Variants in CPNE4 observed in about 807,000 individuals in gnomAD.
CPNE4 encodes the protein copine-4.
CPNE4 carries 25 observed loss-of-function variants against 67.9 expected under a neutral mutation model. That is an observed-to-expected ratio of 0.37 (90% CI 0.27 to 0.51). CPNE4 has a LOEUF of 0.51. CPNE4 is among the 20% of genes least tolerant of loss of function. The probability of loss-of-function intolerance (pLI) is 0.93; values close to 1 mark genes in which losing one functional copy is unlikely to be tolerated. For missense variants in CPNE4, 464 were observed against 690.8 expected, an observed-to-expected ratio of 0.67 and a Z score of 3.68; for synonymous variants, 242 against 244.9, an observed-to-expected ratio of 0.99 and a Z score of 0.11.
intron 3 of CPNE4, among the ~76,000 whole-genome samples, chr3:131,718,825 C>G (rs2081807860): frequency 6.6e-6 from 1 of 152,186 alleles, no homozygotes; most frequent in African/African-American, 2.4e-5. Context: ...CTTGGCATAT[C>G]CAGGGTGCTT....
chr3:131,949,874 T>C (rs558770398), intron 1 of CPNE4, among the ~76,000 whole-genome samples: 7 of 152,288 alleles, frequency 4.6e-5, no homozygotes, highest in Non-Finnish European at 8.8e-5. Context: ...ATGCTAGCAC[T>C]GAGGGTACTC....
At chr3:131,994,189 T>G (rs1039712107) in intron 1 of CPNE4, among the ~76,000 whole-genome samples, 1 of 135,834 alleles carries the variant, frequency 7.4e-6, no homozygotes. Context: ...ATGAGAAAAA[T>G]TAAAGACCTG....
At chr3:131,696,755 G>T in intron 4 of CPNE4, 139 bp from the exon 5 acceptor site, 1 of 710,394 alleles carries the variant, frequency 1.4e-6, no homozygotes, top group Non-Finnish European at 2.5e-6. Flanking sequence ...CAACCCTAGT[G>T]ACTACAGCAC....
intron 2 of CPNE4, among the ~76,000 whole-genome samples, chr3:131,853,613 C>T (rs2086323408): frequency 6.6e-6 from 1 of 151,716 alleles, no homozygotes; most frequent in Non-Finnish European, 1.5e-5. Context: ...CTTAAAGGCA[C>T]TATTAGAAAA....
intron 1 of CPNE4, among the ~76,000 whole-genome samples, chr3:131,936,542 G>A (rs12635784): frequency 0.36 from 54,321 of 151,660 alleles, 10,311 homozygotes; most frequent in African/African-American, 0.47. Flanking sequence ...GAAATTTCCT[G>A]TGCATCACTA....
chr3:131,689,890 A>G (rs1445490874), intron 5 of CPNE4, among the ~76,000 whole-genome samples: 1 of 152,144 alleles, frequency 6.6e-6, no homozygotes. Context: ...TGCAAAAATC[A>G]GTAGCATTTC....
chr3:131,839,495 C>T (rs2085689448), intron 2 of CPNE4, among the ~76,000 whole-genome samples: 1 of 151,222 alleles, frequency 6.6e-6, no homozygotes, highest in Admixed American at 6.6e-5. Flanking sequence ...TGTTGATAAA[C>T]ATTTATATTT....
At chr3:131,978,809 C>G (rs928845982) in intron 1 of CPNE4, among the ~76,000 whole-genome samples, 12 of 151,018 alleles carry the variant, frequency 7.9e-5, no homozygotes, top group Admixed American at 2.7e-4. Flanking sequence ...CTCTTTAATT[C>G]TTTTTGATGT....
intron 1 of CPNE4, among the ~76,000 whole-genome samples, chr3:132,023,402 A>G (rs2074040218): frequency 6.6e-6 from 1 of 150,678 alleles, no homozygotes; most frequent in Admixed American, 6.6e-5. Context: ...TTGGTCCGTG[A>G]TTGATACTTT....
chr3:131,656,258 G>T (rs2079962142), intron 7 of CPNE4, among the ~76,000 whole-genome samples: 1 of 152,030 alleles, frequency 6.6e-6, no homozygotes. Context: ...AGTAGCAATG[G>T]GAAGTTCTCT....
intron 2 of CPNE4, among the ~76,000 whole-genome samples, chr3:131,779,214 C>T (rs966394383): frequency 6.6e-6 from 1 of 151,954 alleles, no homozygotes; most frequent in Admixed American, 6.6e-5. Flanking sequence ...AAATATTCCA[C>T]ATTCATGGAT....
intron 2 of CPNE4, among the ~76,000 whole-genome samples, chr3:131,811,844 T>A (rs2084540011): frequency 6.6e-6 from 1 of 152,154 alleles, no homozygotes; most frequent in East Asian, 1.9e-4. Flanking sequence ...AACCTCTTCA[T>A]CTTCATGTGA....
At chr3:131,587,177 G>A (rs912714895) in intron 8 of CPNE4, among the ~76,000 whole-genome samples, 9 of 152,134 alleles carry the variant, frequency 5.9e-5, no homozygotes, top group Admixed American at 1.3e-4. Context: ...AGCAAAATGA[G>A]GCATGGAGAG....
intron 2 of CPNE4, among the ~76,000 whole-genome samples, chr3:131,891,358 T>G (rs2088105474): frequency 6.6e-6 from 1 of 152,068 alleles, no homozygotes; most frequent in African/African-American, 2.4e-5. Flanking sequence ...TTAGAAAATA[T>G]TCTATAATTG....
chr3:131,648,592 A>C (rs1219416397), intron 7 of CPNE4, among the ~76,000 whole-genome samples: 1 of 152,252 alleles, frequency 6.6e-6, no homozygotes, highest in Non-Finnish European at 1.5e-5. Context: ...GGTACTTAAA[A>C]GATATTCAGC....
chr3:131,839,501 T>C (rs537758082), intron 2 of CPNE4, among the ~76,000 whole-genome samples: 1 of 151,660 alleles, frequency 6.6e-6, no homozygotes, highest in Non-Finnish European at 1.5e-5. Context: ...TAAACATTTA[T>C]ATTTATTAAC....
chr3:131,780,309 C>A (rs1338659014), intron 2 of CPNE4, among the ~76,000 whole-genome samples: 1 of 152,018 alleles, frequency 6.6e-6, no homozygotes, highest in East Asian at 1.9e-4. Flanking sequence ...GACTTTTCAA[C>A]CTAGCAATCC....
At chr3:131,984,070 ACTC>A (rs1225820520) in intron 1 of CPNE4, among the ~76,000 whole-genome samples, 1 of 152,030 alleles carries the variant, frequency 6.6e-6, no homozygotes, top group Non-Finnish European at 1.5e-5. Context: ...ATCTGAGACA[ACTC>A]CTCTTCAAAG....
intron 5 of CPNE4, 67 bp downstream of exon 5, chr3:131,696,475 G>T: frequency 7.0e-7 from 1 of 1,435,596 alleles, no homozygotes; most frequent in Non-Finnish European, 9.8e-7. Context: ...GTTGCAGGGG[G>T]AAATCTGATT....
Sources: allele counts gnomAD v4.1 joint callset (sites outside exome capture counted in the v4.1 genomes callset), GRCh38; gene constraint gnomAD v4.1.1; transcripts MANE v1.5; gene names NCBI Gene and HGNC (gene_info 2026-07-23, HGNC 2026-07-21).